The following CLDN16 variants were observed in gnomAD, a reference collection of about 807,000 sequenced individuals.
The protein encoded by CLDN16 is claudin-16.
CLDN16 carries 13 observed loss-of-function variants against 24.6 expected under a neutral mutation model. The ratio of observed to expected loss-of-function variants is 0.53; its 90% CI spans 0.34 to 0.84. The LOEUF is 0.84. Among genes scored for constraint, CLDN16 ranks in the 40% least tolerant of loss-of-function variants. The pLI is 0.01. For synonymous variants in CLDN16, 116 were observed against 106.7 expected (o/e 1.09, Z -0.54); for missense variants, 298 against 292.7 (o/e 1.02, Z -0.13).
chr3:190,318,302 T>C (rs1716823201), upstream of CLDN16, among the ~76,000 whole-genome samples: 1 of 152,218 alleles, frequency 6.6e-6, no homozygotes, highest in Non-Finnish European at 1.5e-5. Flanking sequence ...GATGCTTCTA[T>C]ATTACCTCCA....
chr3:190,405,035 C>A, intron 3 of CLDN16, 109 bp downstream of exon 3: 1 of 1,110,274 alleles, frequency 9.0e-7, no homozygotes, highest in South Asian at 1.3e-5. Flanking sequence ...TATGTGGCTT[C>A]CCTTTCTAGA....
chr3:190,300,424 A>G, the CLDN16 span, among the ~76,000 whole-genome samples: 1 of 152,074 alleles, frequency 6.6e-6, no homozygotes, highest in Admixed American at 6.5e-5. Context: ...CTGCTTTCCT[A>G]TTATCCATTC....
chr3:190,382,222 C>A (rs536348782), intron 3 of CLDN16, among the ~76,000 whole-genome samples: 34 of 152,118 alleles, frequency 2.2e-4, no homozygotes, highest in African/African-American at 8.2e-4. Context: ...AGGTTTATTC[C>A]AACCTGGTTC....
intron 3 of CLDN16, among the ~76,000 whole-genome samples, chr3:190,407,916 A>G (rs1454284231): frequency 6.6e-6 from 1 of 152,038 alleles, no homozygotes; most frequent in Admixed American, 6.5e-5. Context: ...CAGAATGAAC[A>G]TATGCTCTAT....
intron 1 of CLDN16, among the ~76,000 whole-genome samples, chr3:190,370,585 C>A (rs867942806): frequency 6.6e-6 from 1 of 151,884 alleles, no homozygotes. Context: ...GCTAAACCTA[C>A]GTCATGTGCA....
chr3:190,405,425 A>C (rs1261409897), intron 3 of CLDN16, among the ~76,000 whole-genome samples: 1 of 112,136 alleles, frequency 8.9e-6, no homozygotes, highest in East Asian at 2.4e-4. Flanking sequence ...ACTCCGTCTC[A>C]CGGAAAAAAA....
At chr3:190,364,015 A>G (rs1717964611) in intron 1 of CLDN16, among the ~76,000 whole-genome samples, 1 of 151,940 alleles carries the variant, frequency 6.6e-6, no homozygotes, top group Non-Finnish European at 1.5e-5. Context: ...TCTCACTACT[A>G]TCTTTTAGTG....
chr3:190,395,117 G>A (rs6801387), intron 1 of CLDN16, among the ~76,000 whole-genome samples: 7,936 of 152,016 alleles, frequency 0.052, 543 homozygotes, highest in African/African-American at 0.16. Context: ...ACATTTTAAC[G>A]TATGTAACCA....
Position 190,411,501 on chromosome 3 carries a change from TACCTGAAAAGAATATCA to T in CLDN16, c.*1485_*1501del, listed in dbSNP as rs372414927. On this transcript the variant is annotated 3_prime_UTR_variant, in exon 5 of 5. Coordinates refer to ENST00000264734, the MANE Select transcript of CLDN16 (RefSeq NM_006580.4). ...TAGTACCTTTATGGTACCCTTGCAG[TACCTGAAAAGAATATCA>T]ACCTGAAAAGAATATCAACTCACCC... 1,436 of 152,116 alleles carry T rather than the reference TACCTGAAAAGAATATCA, an allele frequency of 9.4e-3. 21 individuals carry two copies. Among genetic ancestry groups the T allele is most frequent in the African/African-American group, 0.033 (1,379 of 41,506 alleles). The allele number at this position is 152,116 out of a possible 1,614,324, so 9.4% of individuals were successfully genotyped here. A position where few individuals can be genotyped will look rare whatever the true frequency, so the allele number is the denominator to read the frequency against.
upstream of CLDN16, among the ~76,000 whole-genome samples, chr3:190,383,887 A>G (rs1453454134): frequency 1.3e-5 from 2 of 152,186 alleles, no homozygotes; most frequent in Non-Finnish European, 2.9e-5. Context: ...CATACTAACT[A>G]CAATTTATTG....
the CLDN16 span, among the ~76,000 whole-genome samples, chr3:190,298,450 G>T: frequency 8.9e-6 from 1 of 112,126 alleles, no homozygotes. Flanking sequence ...CCTTCTGGGA[G>T]TTGCTTTTTT....
At chr3:190,327,366 C>G (rs1717087400) in intron 1 of CLDN16, among the ~76,000 whole-genome samples, 1 of 152,142 alleles carries the variant, frequency 6.6e-6, no homozygotes, top group Non-Finnish European at 1.5e-5. Context: ...CTGGTATTAA[C>G]CTAACATGTG....
intron 1 of CLDN16, among the ~76,000 whole-genome samples, chr3:190,351,378 G>C (rs547142691): frequency 2.6e-5 from 4 of 151,970 alleles, no homozygotes; most frequent in African/African-American, 9.7e-5. Flanking sequence ...ATTTTCTTCA[G>C]CATAAGTGCT....
chr3:190,353,688 A>G (rs1487030132), intron 1 of CLDN16, among the ~76,000 whole-genome samples: 3 of 152,108 alleles, frequency 2.0e-5, no homozygotes, highest in South Asian at 4.1e-4. Flanking sequence ...TTAGTTATCT[A>G]TAGTTGGCTT....
At chr3:190,333,347 T>C (rs1163147957) in intron 1 of CLDN16, among the ~76,000 whole-genome samples, 1 of 152,160 alleles carries the variant, frequency 6.6e-6, no homozygotes, top group African/African-American at 2.4e-5. Flanking sequence ...TTCAGATTCT[T>C]AGAAATATTT....
At chr3:190,371,668 T>C (rs1332175305) in intron 2 of CLDN16, among the ~76,000 whole-genome samples, 2 of 151,976 alleles carry the variant, frequency 1.3e-5, no homozygotes, top group Non-Finnish European at 2.9e-5. Context: ...TTCACTGATA[T>C]AATCCCAGGC....
chr3:190,347,811 T>C (rs1365628069), intron 1 of CLDN16, among the ~76,000 whole-genome samples: 1 of 151,984 alleles, frequency 6.6e-6, no homozygotes, highest in African/African-American at 2.4e-5. Context: ...ACCTGCATGA[T>C]ATGAGGTGAT....
At chr3:190,337,512 T>C (rs997760482) in intron 1 of CLDN16, among the ~76,000 whole-genome samples, 1 of 152,170 alleles carries the variant, frequency 6.6e-6, no homozygotes, top group African/African-American at 2.4e-5. Context: ...GGAGACAATA[T>C]GTGGACGATA....
At chr3:190,399,453 C>T (rs1250865135) in intron 1 of CLDN16, among the ~76,000 whole-genome samples, 1 of 151,990 alleles carries the variant, frequency 6.6e-6, no homozygotes, top group Non-Finnish European at 1.5e-5. Context: ...TGGAGGTTGC[C>T]GTGAGCCGAT....
Sources: allele counts gnomAD v4.1 joint callset (sites outside exome capture counted in the v4.1 genomes callset), GRCh38; gene constraint gnomAD v4.1.1; transcripts MANE v1.5; gene names NCBI Gene and HGNC (gene_info 2026-07-23, HGNC 2026-07-21).